The following MYCBP2 variants were observed in gnomAD, a reference collection of about 807,000 sequenced individuals.
The protein encoded by MYCBP2 is E3 ubiquitin-protein ligase MYCBP2.
Under a neutral mutation model 525.3 loss-of-function variants are expected in MYCBP2, and 120 were observed. The observed-to-expected ratio is 0.23, with a 90% CI of 0.20 to 0.27. The LOEUF (loss-of-function observed/expected upper bound fraction) is 0.27. Among genes scored for constraint, MYCBP2 ranks in the 10% least tolerant of loss-of-function variants. The pLI is 1.00. For synonymous variants in MYCBP2, 1,894 were observed against 1,955.8 expected (o/e 0.97, Z 0.83); for missense variants, 4,149 against 5,657.1 (o/e 0.73, Z 8.55).
At position 77,081,145 on chromosome 13, in the gene MYCBP2, C is replaced by A; in HGVS notation, c.11418+282G>T. ...TTCCAGGTCACGGGAAAATCTTAAC[C>A]AAGGGAATGGCAGCAGAAAATTGTA... is the stretch of plus-strand genomic sequence containing the variant. On this transcript the variant is annotated intron_variant, in intron 65 of 82. Coordinates refer to ENST00000544440, the MANE Select transcript of MYCBP2 (RefSeq NM_015057.5). This position sits in a 1 kb window ranked among gnomAD's most constrained non-coding sequence, Gnocchi z 4.6. The A allele has an allele frequency of 3.2e-6, 1 of 313,810 alleles. No individual in the cohort carries two copies. The highest frequency in any genetic ancestry group is 7.1e-5 in the South Asian group (1 of 13,996). 19.4% of individuals were successfully genotyped at this position (313,810 alleles called of 1,614,324 possible). A position where few individuals can be genotyped will look rare whatever the true frequency, so the allele number is the denominator to read the frequency against.
At chr13:77,121,288 G>T in intron 55 of MYCBP2, 85 bp downstream of exon 55, 1 of 1,197,834 alleles carries the variant, frequency 8.3e-7, no homozygotes, top group Non-Finnish European at 1.1e-6. Context: ...ATTTCTGGGT[G>T]AACACAAATA....
rs759843486 is a variant in MYCBP2 at position 77,243,969 on chromosome 13, A to AG, written c.2382-19_2382-18insC. 7.5e-6 allele frequency: 11 copies of AG among 1,459,586 alleles called. No homozygotes were observed. The Admixed American group carries it at 2.7e-4, about 36-fold the overall frequency. 90.4% of individuals were successfully genotyped at this position (1,459,586 alleles called of 1,614,324 possible). A position where few individuals can be genotyped will look rare whatever the true frequency, so the allele number is the denominator to read the frequency against. On this transcript the variant is annotated intron_variant, in intron 15 of 82. Coordinates refer to ENST00000544440, the MANE Select transcript of MYCBP2 (RefSeq NM_015057.5). ...CACAGATCCTAGGGGGAAATACAAA[A>AG]AAAAAAAAAAAAGACAACTGAGATA...
In MYCBP2 at chr13:77,273,551, C is replaced by G. The variant is rs772857572; in HGVS notation, c.866G>C (p.Trp289Ser). Residue 289 changes from tryptophan to serine, a missense_variant, in exon 5 of 83, where the codon TGG (tryptophan) becomes TCG (serine). Trp to Ser is a radical substitution (Grantham distance 177, BLOSUM62 -3). Around this residue, in one of 21 missense-constraint regions of MYCBP2, gnomAD observed 413 missense variants for 451.2 expected, o/e 0.92. Coordinates refer to ENST00000544440, the MANE Select transcript of MYCBP2 (RefSeq NM_015057.5). Reference sequence around the variant, plus strand: ...CTGAAGTGTCCTTCCTGTTTCTCCCCAAGAAGCCACCAGACTAAAGAGGCA... The same window carrying G: ...CTGAAGTGTCCTTCCTGTTTCTCCCGAAGAAGCCACCAGACTAAAGAGGCA... Reference protein sequence around the residue: ...CACLFSLVASWGETGRTLQAI... With the variant: ...CACLFSLVASSGETGRTLQAI... The G allele has an allele frequency of 3.7e-6, 6 of 1,613,504 alleles. No individual in the cohort carries two copies. The highest frequency in any genetic ancestry group is 5.1e-6 in the Non-Finnish European group (6 of 1,179,840).
chr13:77,277,450 A>G (rs2075752715), intron 4 of MYCBP2, among the ~76,000 whole-genome samples: 1 of 152,284 alleles, frequency 6.6e-6, no homozygotes, highest in East Asian at 1.9e-4. Context: ...GCTTGTTTCA[A>G]TGACCAGCAT....
Position 77,243,906 on chromosome 13 carries a change from T to A in MYCBP2, c.2427A>T (p.Gly809=). 2 of 1,600,910 alleles carry A rather than the reference T, an allele frequency of 1.2e-6. No homozygotes were observed. Among genetic ancestry groups the A allele is most frequent in the Non-Finnish European group, 1.7e-6 (2 of 1,176,960 alleles). ...GSGESGCAVC[G]CCKACARELD... is the part of the protein sequence containing the mutation. ...ACTCTCTTGCACAGGCCTTGCAACA[T>A]CCACACACAGCACAACCAGATTCTC... Residue 809 remains glycine (G), a synonymous_variant, in exon 16 of 83, where the codon GGA becomes GGT. Transcript: ENST00000544440.
chr13:77,118,009 A>T (rs2050075535), intron 55 of MYCBP2, among the ~76,000 whole-genome samples: 1 of 152,220 alleles, frequency 6.6e-6, no homozygotes, highest in African/African-American at 2.4e-5. Context: ...AAACCTGTCC[A>T]AACAAGTACA....
intron 2 of MYCBP2, 120 bp from the exon 3 acceptor site, chr13:77,288,496 G>A: frequency 1.2e-6 from 1 of 853,028 alleles, no homozygotes; most frequent in South Asian, 1.7e-5. Flanking sequence ...ATGTGACACA[G>A]CAGAGACAGT....
In MYCBP2 at chr13:77,056,995, G is replaced by T. The variant is rs2038231542; in HGVS notation, c.13428C>A (p.Pro4476=). ...CAGATTCTTTCCATACCTTGCAAAT[G>T]GGACAAGATATAAATCCAAATGTTA... ...PRITFGFISC[P]ICKNKINHIV... Residue 4476 remains proline, a synonymous_variant, in exon 79 of 83, where the codon CCC becomes CCA. Coordinates refer to ENST00000544440, the MANE Select transcript of MYCBP2 (RefSeq NM_015057.5). 2 of 1,607,640 alleles carry T rather than the reference G, an allele frequency of 1.2e-6. No homozygotes were observed. Among genetic ancestry groups the T allele is most frequent in the South Asian group, 2.2e-5 (2 of 90,916 alleles).
At chr13:77,299,181 CAGAT>C (rs1233064635) in intron 1 of MYCBP2, among the ~76,000 whole-genome samples, 1 of 152,126 alleles carries the variant, frequency 6.6e-6, no homozygotes. Flanking sequence ...AATCCAAATT[CAGAT>C]AGATTTCCTA....
intron 1 of MYCBP2, among the ~76,000 whole-genome samples, chr13:77,320,434 A>T (rs1390064592): frequency 1.3e-5 from 2 of 152,214 alleles, no homozygotes; most frequent in Non-Finnish European, 2.9e-5. Context: ...GTGAAGGCCA[A>T]CTCTTCTTTG....
chr13:77,247,619 A>G (rs2070282317), intron 15 of MYCBP2, among the ~76,000 whole-genome samples: 1 of 152,212 alleles, frequency 6.6e-6, no homozygotes, highest in Non-Finnish European at 1.5e-5. Context: ...ATAGCCAAAC[A>G]ATCTTGAAAA....
chr13:77,186,069 C>A lies in MYCBP2; in HGVS notation c.4252-6G>T. ...AACAATGACTCAAAACATTCCTAAT[C>A]CAGAATATGAAAAAACAGACAACAA... On this transcript the variant is annotated splice_polypyrimidine_tract_variant and splice_region_variant and intron_variant, in intron 30 of 82. Coordinates refer to ENST00000544440, the MANE Select transcript of MYCBP2 (RefSeq NM_015057.5). 6.5e-7 allele frequency: 1 copy of A among 1,542,458 alleles called. No individual in the cohort carries two copies.
In MYCBP2 at chr13:77,097,814, T is replaced by C. The variant is rs1300083567; in HGVS notation, c.9340A>G (p.Ser3114Gly). 2 of 1,613,768 alleles carry C rather than the reference T, an allele frequency of 1.2e-6. No individual in the cohort carries two copies. ...PHGPDISKMG[S>G]INKNKVLSML... ...GACAATACCTTGTTTTTGTTGATGC[T>C]ACCCATCTTAGATATATCTGGTCCA... is the stretch of plus-strand genomic sequence containing the variant. Residue 3114 changes from serine (S) to glycine (G), a missense_variant, in exon 56 of 83, where the codon AGC (serine) becomes GGC (glycine). By Grantham distance (56) the Ser-to-Gly change is moderately conservative (BLOSUM62 0). Transcript: ENST00000544440.
rs376704124 is a variant in MYCBP2 at position 77,211,923 on chromosome 13, T to C, written c.3262+33A>G. 2.2e-4 allele frequency: 340 copies of C among 1,518,208 alleles called. 4 individuals carry two copies. In the South Asian group the frequency reaches 2.6e-3, roughly 12 times the overall value. The allele number at this position is 1,518,208 out of a possible 1,614,324, so 94.0% of individuals were successfully genotyped here. A position where few individuals can be genotyped will look rare whatever the true frequency, so the allele number is the denominator to read the frequency against. On this transcript the variant is annotated intron_variant, in intron 22 of 82. Coordinates refer to ENST00000544440, the MANE Select transcript of MYCBP2 (RefSeq NM_015057.5). ...ATTTACTATCAATCAAGACAAGAGT[T>C]TGGAAGGGGCATTTGTTTATTTCTG...
intron 1 of MYCBP2, among the ~76,000 whole-genome samples, chr13:77,306,055 TAA>T (rs1451145702): frequency 6.6e-6 from 1 of 152,124 alleles, no homozygotes; most frequent in Non-Finnish European, 1.5e-5. Flanking sequence ...GCAAATGAAA[TAA>T]AAGTCATAAT....
chr13:77,059,656 T>C (rs750219025), intron 76 of MYCBP2, 30 bp from the exon 77 acceptor site: 3 of 1,511,330 alleles, frequency 2.0e-6, no homozygotes, highest in Non-Finnish European at 2.8e-6. Flanking sequence ...TAAAAATCCT[T>C]CTTATGGATG....
chr13:77,075,210 G>GCAAAA (rs1006530582), intron 68 of MYCBP2, among the ~76,000 whole-genome samples: 6 of 151,952 alleles, frequency 3.9e-5, no homozygotes, highest in African/African-American at 1.2e-4. Flanking sequence ...CCGGTCTCAA[G>GCAAAA]CAAAACAAAA....
intron 1 of MYCBP2, among the ~76,000 whole-genome samples, chr13:77,298,231 C>T (rs2078398492): frequency 6.6e-6 from 1 of 152,206 alleles, no homozygotes; most frequent in East Asian, 1.9e-4. Flanking sequence ...TTTCCCTCTT[C>T]CTGAAATTCT....
In MYCBP2 at chr13:77,171,472, T is replaced by C. The variant is rs756192752; in HGVS notation, c.5794+20A>G. The C allele has an allele frequency of 2.5e-6, 4 of 1,605,352 alleles. No individual in the cohort carries two copies. In the Admixed American group the frequency reaches 5.1e-5, roughly 21 times the overall value. ...AATAAAGAATCTAAAATATGACTAC[T>C]GAGAAAGAAAAAATATTACCATCCA... On this transcript the variant is annotated intron_variant, in intron 38 of 82. Transcript: ENST00000544440.
Sources: allele counts gnomAD v4.1 joint callset (sites outside exome capture counted in the v4.1 genomes callset), GRCh38; gene constraint gnomAD v4.1.1; regional missense constraint gnomAD v4.1.1; non-coding constraint Gnocchi (gnomAD v3.1); transcripts MANE v1.5; gene names NCBI Gene and HGNC (gene_info 2026-07-23, HGNC 2026-07-21).